Variants in LRRN4 observed in about 807,000 individuals in gnomAD.
LRRN4 encodes the protein leucine-rich repeat neuronal protein 4.
Under a neutral mutation model 22.3 loss-of-function variants are expected in LRRN4, and 26 were observed. The observed-to-expected ratio is 1.16, with a 90% confidence interval of 0.85 to 1.62. The LOEUF is 1.62. Ranked by LOEUF, LRRN4 falls within the 40% of genes most tolerant of loss-of-function variation. The pLI is 0.00. For synonymous variants in LRRN4, 496 were observed against 486.2 expected (o/e 1.02, Z -0.26); for missense variants, 1,070 against 1,008.5 (o/e 1.06, Z -0.83).
In LRRN4 at chr20:6,041,385, C is replaced by T; in HGVS notation, c.1860G>A (p.Ala620=). The T allele has an allele frequency of 6.3e-7, 1 of 1,582,890 alleles. No individual in the cohort carries two copies. The highest frequency in any genetic ancestry group is 1.2e-5 in the South Asian group (1 of 86,486). The change falls in exon 5 of 5, where the codon GCG becomes GCA. Residue 620 remains alanine, a synonymous_variant. Transcript: ENST00000378858. The surrounding 1 kb of genome is among the most constrained non-coding windows in gnomAD (Gnocchi z 9.4). ...TGACCCCCACCACCGACTGGTTCCC[C>T]GCCCAGCCCTCCGCAGAGTAGCGGA... ...YQIRYSAEGW[A]GNQSVVGVIY...
At chr20:6,046,219 G>A (rs1259962868) in intron 3 of LRRN4, among the ~76,000 whole-genome samples, 1 of 148,672 alleles carries the variant, frequency 6.7e-6, no homozygotes. Flanking sequence ...GGCTGAGATG[G>A]GAGGATTGCT....
At position 6,041,295 on chromosome 20, in the gene LRRN4, G is replaced by A. The variant is rs772224426; in HGVS notation, c.1950C>T (p.Cys650=). Residue 650 remains cysteine, a synonymous_variant, in exon 5 of 5, where the codon TGC becomes TGT. Coordinates refer to ENST00000378858, the MANE Select transcript of LRRN4 (RefSeq NM_152611.5). The surrounding 1 kb of genome is among the most constrained non-coding windows in gnomAD (Gnocchi z 9.4). ...AGCCCGCCCTGTTGGCCGCCAGCAC[G>A]CACACGCGGTAGGTGGTGCCCGGCG... ...GLSPGTTYRV[C]VLAANRAGLS... 10 of 1,593,704 alleles carry A rather than the reference G, an allele frequency of 6.3e-6. No individual in the cohort carries two copies. Among genetic ancestry groups the A allele is most frequent in the South Asian group, 1.1e-5 (1 of 90,228 alleles).
At position 6,041,552 on chromosome 20, in the gene LRRN4, G is replaced by A. The variant is rs780488660; in HGVS notation, c.1693C>T (p.Arg565Trp). ...LQTPCAELQRRWRCRCPGLSG... is the reference protein window; with the variant it reads ...LQTPCAELQRWWRCRCPGLSG... ...AGGCCGGGGCACCGGCACCGCCACCGCCTCTGCAGCTCCGCGCACGGGGTC... is the reference window on the plus strand; with the variant it reads ...AGGCCGGGGCACCGGCACCGCCACCACCTCTGCAGCTCCGCGCACGGGGTC... Residue 565 changes from arginine (R) to tryptophan (W), a missense_variant, in exon 5 of 5, where the codon CGG (arginine) becomes TGG (tryptophan). Arg to Trp is a moderately radical substitution (Grantham distance 101). Transcript: ENST00000378858. This position sits in a 1 kb window ranked among gnomAD's most constrained non-coding sequence, Gnocchi z 9.4. 2.3e-5 allele frequency: 35 copies of A among 1,551,792 alleles called. No individual in the cohort carries two copies. The East Asian group carries it at 5.4e-4, about 24-fold the overall frequency.
In LRRN4 at chr20:6,041,883, C is replaced by G. The variant is rs139701837; in HGVS notation, c.1362G>C (p.Arg454Ser). Residue 454 changes from arginine (R) to serine (S), a missense_variant, in exon 5 of 5, where the codon AGG becomes AGC. By Grantham distance (110) the Arg-to-Ser change is moderately radical (BLOSUM62 -1). Transcript: ENST00000378858. This position sits in a 1 kb window ranked among gnomAD's most constrained non-coding sequence, Gnocchi z 9.4. ...SVFPRAASTT[R>S]TQHRGEHAPE... ...GGGCATGTTCTCCTCGGTGCTGGGT[C>G]CTGGTGGTGCTGGCAGCCCTGGGGA... 2.5e-3 allele frequency: 3,995 copies of G among 1,614,152 alleles called. 126 individuals are homozygous for G. In the East Asian group the frequency reaches 0.067, roughly 27 times the overall value.
At position 6,040,844 on chromosome 20, in the gene LRRN4, A is replaced by T. The variant is rs1466774188; in HGVS notation, c.*178T>A. 2.6e-6 allele frequency: 2 copies of T among 780,590 alleles called. No homozygotes were observed. Among genetic ancestry groups the T allele is most frequent in the Non-Finnish European group, 4.0e-6 (2 of 501,830 alleles). 48.4% of individuals were successfully genotyped at this position (780,590 alleles called of 1,614,324 possible). On this transcript the variant is annotated 3_prime_UTR_variant, in exon 5 of 5. Transcript: ENST00000378858. ...GAACAGAGTTAAGTAGAAGGAAGGG[A>T]GGGCAGCAGTTCCTTGGACCCAGAC...
intron 3 of LRRN4, among the ~76,000 whole-genome samples, chr20:6,047,421 CACAT>C (rs1407227332): frequency 5.4e-5 from 6 of 110,712 alleles, no homozygotes; most frequent in African/African-American, 1.7e-4. Context: ...GAAGCAGACA[CACAT>C]ACACACACAC....
chr20:6,050,970 C>G lies in LRRN4; in HGVS notation c.669G>C (p.Trp223Cys). Residue 223 changes from tryptophan to cysteine, a missense_variant, in exon 3 of 5, where the codon TGG becomes TGC. Coordinates refer to ENST00000378858, the MANE Select transcript of LRRN4 (RefSeq NM_152611.5). ...GTFLERVESG[W>C]IRDLPKLTSL... ...ATGTGAGCTTCGGCAGGTCTCTGAT[C>G]CACCCTGACTCAACTGAAACACAGA... 1 of 1,613,914 alleles carries G rather than the reference C, an allele frequency of 6.2e-7. No individual in the cohort carries two copies. Among genetic ancestry groups the G allele is most frequent in the Non-Finnish European group, 8.5e-7 (1 of 1,179,992 alleles).
At position 6,041,261 on chromosome 20, in the gene LRRN4, G is replaced by A. The variant is rs1246552739; in HGVS notation, c.1984C>T (p.Pro662Ser). The change falls in exon 5 of 5, where the codon CCA (proline) becomes TCA (serine). Residue 662 changes from proline (P) to serine (S), a missense_variant. Pro to Ser is a moderately conservative substitution (Grantham distance 74). Coordinates refer to ENST00000378858, the MANE Select transcript of LRRN4 (RefSeq NM_152611.5). This position sits in a 1 kb window ranked among gnomAD's most constrained non-coding sequence, Gnocchi z 9.4. ...GGGCTCCTCCAGCCCGAAGACCGTGGCTGGCTCAAGCCCGCCCTGTTGGCC... is the reference window on the plus strand; with the variant it reads ...GGGCTCCTCCAGCCCGAAGACCGTGACTGGCTCAAGCCCGCCCTGTTGGCC... ...LAANRAGLSQPRSSGWRSPCA... is the reference protein window; with the variant it reads ...LAANRAGLSQSRSSGWRSPCA... 1.3e-6 allele frequency: 2 copies of A among 1,585,360 alleles called. No homozygotes were observed. The highest frequency in any genetic ancestry group is 1.3e-5 in the African/African-American group (1 of 74,482).
At chr20:6,052,044 G>T in intron 2 of LRRN4, 101 bp downstream of exon 2, 1 of 1,391,718 alleles carries the variant, frequency 7.2e-7, no homozygotes, top group South Asian at 1.5e-5. Context: ...CTGGGCACCC[G>T]GGTCACCCCT....
Position 6,042,235 on chromosome 20 carries a change from G to T in LRRN4, c.1010C>A (p.Thr337Asn). ...KRTVLSRAADTMCAPAAGSSG... is the reference protein window; with the variant it reads ...KRTVLSRAADNMCAPAAGSSG... ...GGATCCCGCAGCTGGCGCGCACATA[G>T]TGTCTGCTGCCCTGGAGGGGAGGCC... Residue 337 changes from threonine (T) to asparagine (N), a missense_variant, in exon 5 of 5, where the codon ACT becomes AAT. Transcript: ENST00000378858. 6.2e-7 allele frequency: 1 copy of T among 1,610,580 alleles called. No homozygotes were observed. The highest frequency in any genetic ancestry group is 8.5e-7 in the Non-Finnish European group (1 of 1,178,510).
chr20:6,052,944 C>G (rs1981302875), intron 1 of LRRN4, 140 bp from the exon 2 acceptor site: 1 of 898,828 alleles, frequency 1.1e-6, no homozygotes, highest in South Asian at 1.8e-5. Flanking sequence ...GGGAGACGTT[C>G]CCAGAGTCGC....
rs550816454 is a variant in LRRN4 at position 6,043,093 on chromosome 20, G to C, written c.999-847C>G. ...AGGTAGAGGCCAAAGTAACTCAGGT[G>C]AAATAGCTCAGCTCAAATCAACAGT... On this transcript the variant is annotated intron_variant, in intron 4 of 4. Transcript: ENST00000378858. Among the ~76,000 whole-genome samples the C allele has an allele frequency of 4.8e-4, 73 of 152,252 alleles. 1 individual carries two copies. Among genetic ancestry groups the C allele is most frequent in the African/African-American group, 1.7e-3 (71 of 41,540 alleles).
rs1410654732 is a variant in LRRN4 at position 6,042,235 on chromosome 20, G to C, written c.1010C>G (p.Thr337Ser). The part of the protein sequence containing the change: ...KRTVLSRAAD[T>S]MCAPAAGSSG... ...GGATCCCGCAGCTGGCGCGCACATA[G>C]TGTCTGCTGCCCTGGAGGGGAGGCC... Residue 337 changes from threonine (T) to serine (S), a missense_variant, in exon 5 of 5, where the codon ACT (threonine) becomes AGT (serine). Coordinates refer to ENST00000378858, the MANE Select transcript of LRRN4 (RefSeq NM_152611.5). 2 of 1,610,580 alleles carry C rather than the reference G, an allele frequency of 1.2e-6. No homozygotes were observed. The highest frequency in any genetic ancestry group is 1.7e-6 in the Non-Finnish European group (2 of 1,178,510).
At chr20:6,043,363 C>T (rs1442639680) in intron 4 of LRRN4, among the ~76,000 whole-genome samples, 1 of 151,738 alleles carries the variant, frequency 6.6e-6, no homozygotes, top group East Asian at 2.0e-4. Context: ...TGCAGTGAGC[C>T]ATGATCATGC....
At chr20:6,044,792 T>C in intron 3 of LRRN4, 112 bp from the exon 4 acceptor site, 1 of 1,022,336 alleles carries the variant, frequency 9.8e-7, no homozygotes, top group South Asian at 3.1e-5. Flanking sequence ...AGCATTCTGA[T>C]AGGGGTTGGA....
At chr20:6,051,783 A>T (rs1981252139) in intron 2 of LRRN4, among the ~76,000 whole-genome samples, 1 of 152,198 alleles carries the variant, frequency 6.6e-6, no homozygotes, top group African/African-American at 2.4e-5. Context: ...ACAAGCACTT[A>T]TCCAGCCATG....
intron 4 of LRRN4, among the ~76,000 whole-genome samples, chr20:6,043,804 AGAAGC>A (rs1313324734): frequency 6.6e-6 from 1 of 152,014 alleles, no homozygotes; most frequent in East Asian, 1.9e-4. Flanking sequence ...CAGCTCCTCT[AGAAGC>A]TGAGTAGGAT....
At position 6,052,310 on chromosome 20, in the gene LRRN4, G is replaced by C. The variant is rs1198366514; in HGVS notation, c.490C>G (p.Arg164Gly). ...AGCGCGGGGAAGCAGGCGAAGGCCCGGGGCTGCAGCGCCCGCAGCGGATTC... is the reference window on the plus strand; with the variant it reads ...AGCGCGGGGAAGCAGGCGAAGGCCCCGGGCTGCAGCGCCCGCAGCGGATTC... Reference protein sequence around the residue: ...AGNPLRALQPRAFACFPALQL... With the variant: ...AGNPLRALQPGAFACFPALQL... Residue 164 changes from arginine to glycine, a missense_variant, in exon 2 of 5, where the codon CGG becomes GGG. Coordinates refer to ENST00000378858, the MANE Select transcript of LRRN4 (RefSeq NM_152611.5). The C allele has an allele frequency of 6.6e-7, 1 of 1,521,952 alleles. No homozygotes were observed. The allele number at this position is 1,521,952 out of a possible 1,614,324, so 94.3% of individuals were successfully genotyped here. A position where few individuals can be genotyped will look rare whatever the true frequency, so the allele number is the denominator to read the frequency against.
intron 4 of LRRN4, among the ~76,000 whole-genome samples, 155 bp from the exon 5 acceptor site, chr20:6,042,401 C>T (rs6117045): frequency 6.6e-6 from 1 of 152,214 alleles, no homozygotes; most frequent in Non-Finnish European, 1.5e-5. Flanking sequence ...CACACATCAC[C>T]TCATTGATTC....
Sources: allele counts gnomAD v4.1 joint callset (sites outside exome capture counted in the v4.1 genomes callset), GRCh38; gene constraint gnomAD v4.1.1; non-coding constraint Gnocchi (gnomAD v3.1); transcripts MANE v1.5; gene names NCBI Gene and HGNC (gene_info 2026-07-23, HGNC 2026-07-21).